Variants in STXBP4 observed in about 807,000 individuals in gnomAD.
STXBP4 encodes syntaxin binding protein 4.
Under a neutral mutation model 76.1 loss-of-function variants are expected in STXBP4, and 55 were observed. The observed-to-expected ratio is 0.72, with a 90% CI of 0.58 to 0.91. The LOEUF (loss-of-function observed/expected upper bound fraction) is 0.91. Ranked by LOEUF, STXBP4 falls within the 40% of genes least tolerant of loss-of-function variation. The pLI is 0.00. For missense variants in STXBP4, 618 were observed against 636.9 expected (o/e 0.97, Z 0.32); for synonymous variants, 201 against 220.2 (o/e 0.91, Z 0.77).
intron 10 of STXBP4, among the ~76,000 whole-genome samples, chr17:55,037,446 T>G (rs2078622466): frequency 6.6e-6 from 1 of 152,026 alleles, no homozygotes; most frequent in African/African-American, 2.4e-5. Flanking sequence ...CAATATAATT[T>G]TAGGGCAGAT....
At chr17:55,135,820 G>A (rs1422826647) in intron 16 of STXBP4, among the ~76,000 whole-genome samples, 5 of 152,050 alleles carry the variant, frequency 3.3e-5, no homozygotes, top group South Asian at 2.1e-4. Context: ...AAATTGAGAC[G>A]TTGGGAATCT....
chr17:55,089,225 CA>C (rs896996828), intron 16 of STXBP4, among the ~76,000 whole-genome samples: 35 of 152,148 alleles, frequency 2.3e-4, no homozygotes, highest in African/African-American at 8.2e-4. Context: ...CTGCCACTGC[CA>C]TGACTACTGC....
rs184850690 is a variant in STXBP4 at position 55,032,475 on chromosome 17, A to G, written c.763+1211A>G. On this transcript the variant is annotated intron_variant, in intron 9 of 17. Transcript: ENST00000376352. ...TAGAGGAAAATCACAATGAGGAACA[A>G]GTTGATTTGACCCTAAAATGATTTA... 3.9e-5 allele frequency among the ~76,000 whole-genome samples: 6 copies of G among 152,262 alleles called. No individual in the cohort carries two copies. In the East Asian group the frequency reaches 1.2e-3, roughly 29 times the overall value.
chr17:55,083,889 G>T (rs911367650), intron 16 of STXBP4, among the ~76,000 whole-genome samples: 16 of 152,154 alleles, frequency 1.1e-4, no homozygotes, highest in Admixed American at 3.3e-4. Context: ...ATGCAAATTT[G>T]AGGGGATGGG....
At chr17:55,200,432 A>T in the STXBP4 span, among the ~76,000 whole-genome samples, 1 of 152,248 alleles carries the variant, frequency 6.6e-6, no homozygotes, top group Non-Finnish European at 1.5e-5. Context: ...TAAATCCCAG[A>T]ATAATAACTG....
chr17:54,990,039 G>A (rs1015836674), intron 3 of STXBP4, among the ~76,000 whole-genome samples: 15 of 152,128 alleles, frequency 9.9e-5, no homozygotes, highest in African/African-American at 2.7e-4. Flanking sequence ...AATCTTTTCC[G>A]TCGCCTTTAA....
At chr17:55,179,891 G>C in the STXBP4 span, among the ~76,000 whole-genome samples, 1 of 152,116 alleles carries the variant, frequency 6.6e-6, no homozygotes, top group Non-Finnish European at 1.5e-5. Flanking sequence ...GCAGTGTGGC[G>C]AGATTGGCAC....
chr17:55,197,707 C>T, the STXBP4 span, among the ~76,000 whole-genome samples: 6 of 150,978 alleles, frequency 4.0e-5, no homozygotes, highest in African/African-American at 9.8e-5. Flanking sequence ...TGCACCACTG[C>T]ACTCTAGCCT....
At chr17:55,193,041 A>T in the STXBP4 span, among the ~76,000 whole-genome samples, 5 of 152,294 alleles carry the variant, frequency 3.3e-5, no homozygotes, top group African/African-American at 1.2e-4. Flanking sequence ...GTGCCAACAG[A>T]CTCAGAAAAG....
At chr17:54,977,329 A>G (rs559677862) in intron 1 of STXBP4, among the ~76,000 whole-genome samples, 2 of 152,228 alleles carry the variant, frequency 1.3e-5, no homozygotes, top group Non-Finnish European at 2.9e-5. Context: ...TTGAAAATGA[A>G]CATTAGGCCT....
chr17:55,082,332 A>G (rs976836522), intron 16 of STXBP4, among the ~76,000 whole-genome samples: 2 of 152,170 alleles, frequency 1.3e-5, no homozygotes, highest in African/African-American at 4.8e-5. Context: ...ATGGTGACCA[A>G]TGGTAAAGTT....
the STXBP4 span, among the ~76,000 whole-genome samples, chr17:55,186,304 A>T: frequency 6.6e-6 from 1 of 152,200 alleles, no homozygotes; most frequent in East Asian, 1.9e-4. Context: ...AATTTTCAGG[A>T]GGAAAACAAT....
chr17:55,078,608 T>C (rs2079217585), intron 14 of STXBP4, 78 bp from the exon 15 acceptor site: 3 of 922,992 alleles, frequency 3.3e-6, no homozygotes, highest in East Asian at 2.5e-5. Flanking sequence ...GAGGAGGTTA[T>C]AAATATTAAT....
rs554723048 is a variant in STXBP4, at chr17:55,057,363, C to A, written c.1011+10209C>A. Among the ~76,000 whole-genome samples the A allele has an allele frequency of 3.2e-4, 48 of 152,260 alleles. 1 individual carries two copies. Among genetic ancestry groups the A allele is most frequent in the Admixed American group, 1.2e-3 (18 of 15,292 alleles). On this transcript the variant is annotated intron_variant, in intron 12 of 17. Coordinates refer to ENST00000376352, the MANE Select transcript of STXBP4 (RefSeq NM_178509.6). ...TAACAGTTTTATAAACTACTGATGA[C>A]TCAATTTACGTGCGTATACTAAACA...
intron 8 of STXBP4, among the ~76,000 whole-genome samples, chr17:55,017,317 G>T (rs1441127520): frequency 2.0e-5 from 3 of 152,080 alleles, no homozygotes; most frequent in Non-Finnish European, 4.4e-5. Flanking sequence ...CCTGGCAAGG[G>T]TGATGGGGAA....
At chr17:55,046,485 G>A (rs2078790334) in intron 11 of STXBP4, among the ~76,000 whole-genome samples, 1 of 151,964 alleles carries the variant, frequency 6.6e-6, no homozygotes, top group South Asian at 2.1e-4. Flanking sequence ...CCAATAAAAT[G>A]TGAATTTATT....
At chr17:55,071,384 C>T (rs1473668077) in intron 12 of STXBP4, among the ~76,000 whole-genome samples, 1 of 152,170 alleles carries the variant, frequency 6.6e-6, no homozygotes, top group Non-Finnish European at 1.5e-5. Flanking sequence ...ACTACTCCTA[C>T]CTCTACTACA....
At chr17:55,022,304 T>A (rs1705436423) in intron 8 of STXBP4, among the ~76,000 whole-genome samples, 1 of 151,598 alleles carries the variant, frequency 6.6e-6, no homozygotes, top group Non-Finnish European at 1.5e-5. Context: ...TTCTGTTATT[T>A]TTTTTTTTTA....
intron 10 of STXBP4, 55 bp downstream of exon 10, chr17:55,034,314 G>A: frequency 5.6e-6 from 7 of 1,250,238 alleles, no homozygotes; most frequent in Non-Finnish European, 6.7e-6. Flanking sequence ...AGTCTTGAAT[G>A]TTATATGTCA....
Sources: allele counts gnomAD v4.1 joint callset (sites outside exome capture counted in the v4.1 genomes callset), GRCh38; gene constraint gnomAD v4.1.1; transcripts MANE v1.5; gene names NCBI Gene and HGNC (gene_info 2026-07-23, HGNC 2026-07-21).